The following MTHFD1L variants were observed in gnomAD, a reference collection of about 807,000 sequenced individuals.
MTHFD1L encodes monofunctional C1-tetrahydrofolate synthase, mitochondrial.
Under a neutral mutation model 119.5 loss-of-function variants are expected in MTHFD1L, and 81 were observed. The observed-to-expected ratio is 0.68, with a 90% CI of 0.57 to 0.82. The LOEUF (loss-of-function observed/expected upper bound fraction) is 0.82, where lower values mean the gene tolerates loss of function less well. Among genes scored for constraint, MTHFD1L ranks in the 40% least tolerant of loss-of-function variants. The probability of loss-of-function intolerance (pLI) is 0.00; values close to 1 mark genes in which losing one functional copy is unlikely to be tolerated. For synonymous variants in MTHFD1L, 430 were observed against 475.2 expected (o/e 0.90, Z 1.24); for missense variants, 1,125 against 1,253.4 (o/e 0.90, Z 1.55).
At chr6:151,063,877 T>G (rs1584373856) in intron 26 of MTHFD1L, among the ~76,000 whole-genome samples, 1 of 102,024 alleles carries the variant, frequency 9.8e-6, no homozygotes, top group Non-Finnish European at 1.9e-5. Flanking sequence ...GTGTTTTGGG[T>G]TTTTTTTTTT....
chr6:151,002,481 G>C (rs533912030), intron 20 of MTHFD1L, among the ~76,000 whole-genome samples: 1 of 152,258 alleles, frequency 6.6e-6, no homozygotes, highest in East Asian at 1.9e-4. Flanking sequence ...CCCATCGTGT[G>C]CACATTGAGC....
At chr6:151,078,052 C>CAAAAAA (rs71014538) in intron 26 of MTHFD1L, among the ~76,000 whole-genome samples, 18,099 of 59,590 alleles carry the variant, frequency 0.3, 4,436 homozygotes, top group East Asian at 0.59. Context: ...GACTCTGTCT[C>CAAAAAA]AAAAAAAAAA....
intron 20 of MTHFD1L, among the ~76,000 whole-genome samples, chr6:150,975,161 C>T (rs6927721): frequency 0.3 from 45,160 of 151,932 alleles, 7,068 homozygotes; most frequent in East Asian, 0.63. Context: ...ATGAATAATG[C>T]TGCTATGAAC....
intron 11 of MTHFD1L, 99 bp from the exon 12 acceptor site, chr6:150,936,705 G>C (rs1053700433): frequency 1.2e-5 from 17 of 1,411,098 alleles, no homozygotes; most frequent in African/African-American, 4.3e-5. Context: ...AGTGCATTTT[G>C]AAATGAGCAC....
chr6:150,940,572 C>CTTTTATTTTA (rs144157570), intron 13 of MTHFD1L, among the ~76,000 whole-genome samples: 75 of 150,124 alleles, frequency 5.0e-4, no homozygotes, highest in African/African-American at 1.6e-3. Context: ...GAGAGAGCTA[C>CTTTTATTTTA]TTTTATTTTA....
chr6:150,920,195 T>G (rs889446959), intron 9 of MTHFD1L, among the ~76,000 whole-genome samples: 6 of 152,182 alleles, frequency 3.9e-5, no homozygotes, highest in Non-Finnish European at 8.8e-5. Flanking sequence ...ATCCTGTTTG[T>G]TAGAAGTAGA....
chr6:150,900,998 G>C (rs987536523), intron 7 of MTHFD1L, among the ~76,000 whole-genome samples: 2 of 144,264 alleles, frequency 1.4e-5, no homozygotes, highest in South Asian at 4.6e-4. Flanking sequence ...CTGGACGACA[G>C]AGTGAGACTC....
At chr6:151,044,177 C>T (rs1010204530) in intron 26 of MTHFD1L, among the ~76,000 whole-genome samples, 1 of 152,084 alleles carries the variant, frequency 6.6e-6, no homozygotes, top group African/African-American at 2.4e-5. Flanking sequence ...TTAGGGCCTG[C>T]CCCCCATGTG....
intron 4 of MTHFD1L, among the ~76,000 whole-genome samples, chr6:150,880,547 G>A (rs1164047775): frequency 6.6e-6 from 1 of 152,220 alleles, no homozygotes; most frequent in Admixed American, 6.5e-5. Flanking sequence ...ACTGTGAATA[G>A]TGCTGTAACA....
chr6:151,028,555 G>A (rs957407243), intron 24 of MTHFD1L, among the ~76,000 whole-genome samples: 3 of 152,150 alleles, frequency 2.0e-5, no homozygotes, highest in Admixed American at 6.5e-5. Flanking sequence ...CACCAGACAC[G>A]GAAGGACAGA....
At chr6:150,921,821 G>A (rs928619419) in intron 9 of MTHFD1L, among the ~76,000 whole-genome samples, 3 of 152,192 alleles carry the variant, frequency 2.0e-5, no homozygotes, top group African/African-American at 7.2e-5. Context: ...AACCCTGGAT[G>A]TACATTTTTA....
chr6:151,015,101 GTTCT>G lies in MTHFD1L; in HGVS notation c.2408+126_2408+129del, dbSNP rs1363699537. ...ATCTAAAAGTATACAGAAATACCCA[GTTCT>G]TTCTGTTTGTTTATTTGGTTTGGTT... is the stretch of plus-strand genomic sequence containing the variant. On this transcript the variant is annotated intron_variant, in intron 23 of 27. Transcript: ENST00000367321. 3 of 693,198 alleles carry G rather than the reference GTTCT, an allele frequency of 4.3e-6. No individual in the cohort carries two copies. The African/African-American group carries it at 5.6e-5, about 13-fold the overall frequency. The allele number at this position is 693,198 out of a possible 1,614,324, so 42.9% of individuals were successfully genotyped here. A position where few individuals can be genotyped will look rare whatever the true frequency, so the allele number is the denominator to read the frequency against.
intron 7 of MTHFD1L, among the ~76,000 whole-genome samples, chr6:150,898,124 A>G (rs1278257037): frequency 2.0e-5 from 3 of 152,180 alleles, no homozygotes; most frequent in Non-Finnish European, 4.4e-5. Flanking sequence ...GATTACAGGC[A>G]TGAGCCACCG....
At chr6:150,875,897 A>G in intron 1 of MTHFD1L, 193 bp from the exon 2 acceptor site, 1 of 506,612 alleles carries the variant, frequency 2.0e-6, no homozygotes, top group East Asian at 3.4e-5. Context: ...GGATTGCCGC[A>G]TTTTACCTTG....
At chr6:150,875,334 C>T (rs1336606511) in intron 1 of MTHFD1L, among the ~76,000 whole-genome samples, 1 of 152,222 alleles carries the variant, frequency 6.6e-6, no homozygotes. Context: ...CAGGTGCATG[C>T]CACCATGCCA....
intron 26 of MTHFD1L, among the ~76,000 whole-genome samples, chr6:151,071,441 C>G (rs908494383): frequency 2.0e-5 from 3 of 152,014 alleles, no homozygotes; most frequent in Non-Finnish European, 2.9e-5. Flanking sequence ...CTTCAACATG[C>G]AAGAGAATTG....
intron 9 of MTHFD1L, among the ~76,000 whole-genome samples, chr6:150,920,337 G>T (rs1384576948): frequency 6.6e-6 from 1 of 152,156 alleles, no homozygotes; most frequent in Non-Finnish European, 1.5e-5. Context: ...GGTCATCAGT[G>T]TTCCACCATA....
chr6:150,971,355 C>T (rs1797978436), intron 19 of MTHFD1L, among the ~76,000 whole-genome samples: 1 of 152,084 alleles, frequency 6.6e-6, no homozygotes, highest in Non-Finnish European at 1.5e-5. Flanking sequence ...GAGCACACCA[C>T]CACACCCTGC....
At chr6:150,903,565 C>A (rs1395911244) in intron 7 of MTHFD1L, among the ~76,000 whole-genome samples, 2 of 152,016 alleles carry the variant, frequency 1.3e-5, no homozygotes, top group Non-Finnish European at 2.9e-5. Context: ...CACAGGCATG[C>A]CTCACCACAC....
Sources: gnomAD v4.1 joint callset for allele counts (sites outside exome capture counted in the v4.1 genomes callset) on GRCh38, gnomAD v4.1.1 for gene constraint, MANE v1.5 for transcripts, NCBI Gene and HGNC (gene_info 2026-07-23, HGNC 2026-07-21) for gene names.